Variants in NRCAM observed in about 807,000 individuals in gnomAD.
The protein encoded by NRCAM is neuronal cell adhesion molecule, also known as NgCAM-related cell adhesion molecule.
In NRCAM, 83 loss-of-function variants were observed where a neutral mutation model predicts 156.5. The ratio of observed to expected loss-of-function variants is 0.53; its 90% CI spans 0.44 to 0.64. The LOEUF (loss-of-function observed/expected upper bound fraction) is 0.64. Ranked by LOEUF, NRCAM falls within the 30% of genes least tolerant of loss-of-function variation. The pLI is 0.00. For missense variants in NRCAM, 1,417 were observed against 1,597.3 expected, an observed-to-expected ratio of 0.89 and a Z score of 1.92; for synonymous variants, 538 against 563.9, an observed-to-expected ratio of 0.95 and a Z score of 0.65.
Position 108,374,545 on chromosome 7 carries a change from C to CA in NRCAM, c.-174+24890dup, listed in dbSNP as rs143423653. On this transcript the variant is annotated intron_variant, in intron 2 of 32. Transcript: ENST00000379028. ...TATGGAGTACTCTCTTAATGAGGCT[C>CA]ATTTCTGCGTTTTCTCAAATTAGTG... 5.8e-3 allele frequency among the ~76,000 whole-genome samples: 888 copies of CA among 152,186 alleles called. 9 individuals carry two copies. Among genetic ancestry groups the CA allele is most frequent in the African/African-American group, 0.02 (846 of 41,534 alleles).
intron 11 of NRCAM, among the ~76,000 whole-genome samples, chr7:108,211,778 A>G (rs1007710814): frequency 3.3e-5 from 5 of 151,912 alleles, no homozygotes; most frequent in Non-Finnish European, 7.4e-5. Flanking sequence ...GAGCTCAGAC[A>G]CACCTAGCCC....
At chr7:108,259,670 G>A (rs1322856357) in intron 3 of NRCAM, among the ~76,000 whole-genome samples, 1 of 152,170 alleles carries the variant, frequency 6.6e-6, no homozygotes, top group East Asian at 1.9e-4. Flanking sequence ...GCCATAAAAA[G>A]GAATGAGATA....
At chr7:108,186,597 T>C (rs2066935069) in intron 20 of NRCAM, among the ~76,000 whole-genome samples, 1 of 152,214 alleles carries the variant, frequency 6.6e-6, no homozygotes, top group Non-Finnish European at 1.5e-5. Flanking sequence ...ACTTTCTCGG[T>C]TCATGGTGTA....
At chr7:108,399,184 T>TGTG (rs888067456) in intron 2 of NRCAM, among the ~76,000 whole-genome samples, 25 of 152,038 alleles carry the variant, frequency 1.6e-4, no homozygotes, top group Non-Finnish European at 3.4e-4. Context: ...TGTGTGTGTG[T>TGTG]GTGTATGTTC....
chr7:108,155,046 A>C (rs1253498477), intron 32 of NRCAM, among the ~76,000 whole-genome samples: 1 of 150,358 alleles, frequency 6.7e-6, no homozygotes, highest in African/African-American at 2.4e-5. Flanking sequence ...GAGTTTCCCA[A>C]ATGATATGAA....
chr7:108,182,390 G>A (rs2063990943), intron 23 of NRCAM, among the ~76,000 whole-genome samples: 1 of 152,162 alleles, frequency 6.6e-6, no homozygotes, highest in Non-Finnish European at 1.5e-5. Context: ...GACATGGAGG[G>A]CTGATATTTC....
chr7:108,371,232 G>A (rs969074576), intron 2 of NRCAM, among the ~76,000 whole-genome samples: 4 of 152,104 alleles, frequency 2.6e-5, no homozygotes, highest in African/African-American at 7.2e-5. Flanking sequence ...ATAAAAACAC[G>A]TTAGTGTAAC....
chr7:108,151,236 A>C (rs999302634), intron 32 of NRCAM, among the ~76,000 whole-genome samples: 1 of 150,390 alleles, frequency 6.6e-6, no homozygotes, highest in East Asian at 1.9e-4. Flanking sequence ...GAAAAAGGCA[A>C]TGACAGGATC....
intron 3 of NRCAM, among the ~76,000 whole-genome samples, chr7:108,292,783 G>A (rs1331381024): frequency 6.6e-6 from 1 of 152,138 alleles, no homozygotes; most frequent in African/African-American, 2.4e-5. Flanking sequence ...TGCTTAGAAT[G>A]GTGGCTGACA....
intron 27 of NRCAM, among the ~76,000 whole-genome samples, chr7:108,175,765 T>C (rs1013832341): frequency 2.0e-5 from 3 of 152,220 alleles, no homozygotes; most frequent in Non-Finnish European, 4.4e-5. Context: ...AAACCTTTTA[T>C]AATATTTTTG....
intron 2 of NRCAM, among the ~76,000 whole-genome samples, chr7:108,369,763 T>C (rs2395961): frequency 0.33 from 49,621 of 151,924 alleles, 8,607 homozygotes; most frequent in East Asian, 0.6. Flanking sequence ...ATCTTATAAT[T>C]AAGCATCTGT....
At chr7:108,260,840 A>T (rs1341371981) in intron 3 of NRCAM, among the ~76,000 whole-genome samples, 2 of 152,196 alleles carry the variant, frequency 1.3e-5, no homozygotes, top group East Asian at 3.8e-4. Context: ...ATTATCTACC[A>T]TCATGGGCAG....
chr7:108,358,743 C>T (rs1430747900), intron 2 of NRCAM, among the ~76,000 whole-genome samples: 1 of 152,162 alleles, frequency 6.6e-6, no homozygotes, highest in African/African-American at 2.4e-5. Flanking sequence ...AGTTTGTTTA[C>T]CCTATTAGCA....
chr7:108,198,855 G>T (rs969222257), intron 13 of NRCAM, among the ~76,000 whole-genome samples: 1 of 152,120 alleles, frequency 6.6e-6, no homozygotes. Flanking sequence ...GTATTAAAAC[G>T]TTAGGAACAG....
intron 3 of NRCAM, among the ~76,000 whole-genome samples, chr7:108,265,174 G>A (rs1397540147): frequency 1.3e-5 from 2 of 152,190 alleles, no homozygotes; most frequent in African/African-American, 4.8e-5. Context: ...ACAATACCCA[G>A]GGCACATTCC....
rs536696124 is a variant in NRCAM at position 108,180,599 on chromosome 7, T to C, written c.2647-172A>G. Among the ~76,000 whole-genome samples the C allele has an allele frequency of 5.6e-4, 85 of 152,282 alleles. 1 individual carries two copies. The South Asian group carries it at 0.017, about 30-fold the overall frequency. ...CTGAGGCAAGAGGAATAGAAGCCCA[T>C]AGATCATGAGGGAAATTAAATTACA... On this transcript the variant is annotated intron_variant, in intron 24 of 32. Coordinates refer to ENST00000379028, the MANE Select transcript of NRCAM (RefSeq NM_001037132.4).
At chr7:108,429,876 G>A (rs1822652220) in intron 1 of NRCAM, among the ~76,000 whole-genome samples, 1 of 152,214 alleles carries the variant, frequency 6.6e-6, no homozygotes, top group African/African-American at 2.4e-5. Flanking sequence ...GGAGTAAGTG[G>A]TGAGGAGGTG....
intron 2 of NRCAM, among the ~76,000 whole-genome samples, chr7:108,367,839 TAAAAC>T (rs2099601315): frequency 6.6e-6 from 1 of 152,206 alleles, no homozygotes; most frequent in Non-Finnish European, 1.5e-5. Flanking sequence ...GTAATCCACT[TAAAAC>T]AAATATTTTT....
intron 3 of NRCAM, among the ~76,000 whole-genome samples, chr7:108,301,792 G>A (rs1027938542): frequency 1.3e-5 from 2 of 151,976 alleles, no homozygotes; most frequent in African/African-American, 4.8e-5. Context: ...AATTATTTGG[G>A]CATTTAAAAG....
Sources: gnomAD v4.1 joint callset for allele counts (sites outside exome capture counted in the v4.1 genomes callset) on GRCh38, gnomAD v4.1.1 for gene constraint, MANE v1.5 for transcripts, NCBI Gene and HGNC (gene_info 2026-07-23, HGNC 2026-07-21) for gene names.